DGKB: variants seen among roughly 807,000 people sequenced by gnomAD.
DGKB encodes the protein diacylglycerol kinase beta.
A neutral mutation model predicts 114.3 loss-of-function variants in DGKB; 67 were observed. That is an observed-to-expected ratio of 0.59 (90% CI 0.48 to 0.72). The LOEUF is 0.72. DGKB is among the 30% of genes least tolerant of loss of function. The probability of loss-of-function intolerance (pLI) is 0.00; values close to 1 mark genes in which losing one functional copy is unlikely to be tolerated. For missense variants in DGKB, 907 were observed against 975.2 expected, an observed-to-expected ratio of 0.93 and a Z score of 0.93; for synonymous variants, 398 against 323.1, an observed-to-expected ratio of 1.23 and a Z score of -2.49.
rs904121754 is a variant in DGKB at position 14,883,941 on chromosome 7, G to A, written c.-188+18651C>T. Among the ~76,000 whole-genome samples, 8 of 151,818 alleles carry A rather than the reference G, an allele frequency of 5.3e-5. 1 individual carries two copies. The highest frequency in any genetic ancestry group is 3.9e-4 in the Admixed American group (6 of 15,194). ...AAATAGGTGCTTCCATCACCATTCC[G>A]TCACTTATCACAGTGACAGCCAACT... is the stretch of plus-strand genomic sequence containing the variant. On this transcript the variant is annotated intron_variant, in intron 1 of 25. Transcript: ENST00000402815.
At chr7:14,156,220 C>T (rs1007912102) in intron 25 of DGKB, among the ~76,000 whole-genome samples, 27 of 152,072 alleles carry the variant, frequency 1.8e-4, no homozygotes, top group African/African-American at 5.1e-4. Flanking sequence ...CGGTTTGGTA[C>T]AATGGTCTGT....
At chr7:14,897,687 T>C (rs530663542) in intron 1 of DGKB, among the ~76,000 whole-genome samples, 1 of 152,088 alleles carries the variant, frequency 6.6e-6, no homozygotes, top group South Asian at 2.1e-4. Context: ...TTGCCCCACG[T>C]ATTCTAAATA....
At chr7:14,864,018 G>C (rs1851357086) in intron 1 of DGKB, among the ~76,000 whole-genome samples, 1 of 150,180 alleles carries the variant, frequency 6.7e-6, no homozygotes, top group South Asian at 2.1e-4. Flanking sequence ...AGAATCACTT[G>C]AACCCAGGAG....
chr7:14,973,926 A>T (rs1359596908), intron 1 of DGKB, among the ~76,000 whole-genome samples: 1 of 149,138 alleles, frequency 6.7e-6, no homozygotes, highest in Non-Finnish European at 1.5e-5. Flanking sequence ...TATAAATTTA[A>T]AATTATTTAA....
intron 17 of DGKB, among the ~76,000 whole-genome samples, chr7:14,602,790 A>C (rs1160743258): frequency 6.6e-6 from 1 of 152,210 alleles, no homozygotes; most frequent in African/African-American, 2.4e-5. Context: ...GCCAGAACAG[A>C]ATAAAACACA....
chr7:14,676,215 T>G (rs1819829318), intron 12 of DGKB, among the ~76,000 whole-genome samples: 1 of 149,572 alleles, frequency 6.7e-6, no homozygotes, highest in Non-Finnish European at 1.5e-5. Context: ...TTTTGTTTCC[T>G]GATCAGGTAC....
rs188026151 is a variant in DGKB, at chr7:14,209,601, C to T, written c.2123-31450G>A. On this transcript the variant is annotated intron_variant, in intron 23 of 25. Transcript: ENST00000402815. ...AGGTTCACATTCAGCAAAATCTGCC[C>T]CTTAAGAGGTAAGCTTTACCAATCT... 104 of 452,194 alleles carry T rather than the reference C, an allele frequency of 2.3e-4. No individual in the cohort carries two copies. The East Asian group carries it at 5.0e-3, about 22-fold the overall frequency. 28.0% of individuals were successfully genotyped at this position (452,194 alleles called of 1,614,324 possible).
In DGKB at chr7:14,796,277, C is replaced by G. The variant is rs1041496929; in HGVS notation, c.71-38546G>C. Among the ~76,000 whole-genome samples, 10 of 152,180 alleles carry G rather than the reference C, an allele frequency of 6.6e-5. 1 individual carries two copies. Among genetic ancestry groups the G allele is most frequent in the Non-Finnish European group, 1.2e-4 (8 of 68,028 alleles). ...TGGAAAAATTTATCTTTTGCATTCT[C>G]TACTTGAAGAAGATCAATAATTAAC... On this transcript the variant is annotated intron_variant, in intron 2 of 25. Transcript: ENST00000402815.
intron 23 of DGKB, among the ~76,000 whole-genome samples, chr7:14,274,551 T>C (rs1798721264): frequency 6.6e-6 from 1 of 152,158 alleles, no homozygotes; most frequent in Non-Finnish European, 1.5e-5. Flanking sequence ...TTTCTAACTT[T>C]ATGTGTGTCT....
At chr7:14,579,204 A>G (rs1799581262) in intron 19 of DGKB, among the ~76,000 whole-genome samples, 1 of 152,212 alleles carries the variant, frequency 6.6e-6, no homozygotes, top group African/African-American at 2.4e-5. Context: ...CTCCAGAAGG[A>G]TAGAAGCCAT....
intron 13 of DGKB, among the ~76,000 whole-genome samples, chr7:14,636,825 G>A (rs571807239): frequency 6.6e-6 from 1 of 151,920 alleles, no homozygotes; most frequent in South Asian, 2.1e-4. Flanking sequence ...CCAGATTTGT[G>A]AAAACACTAA....
chr7:14,839,280 G>T (rs1387250279), intron 2 of DGKB, among the ~76,000 whole-genome samples: 1 of 152,016 alleles, frequency 6.6e-6, no homozygotes, highest in East Asian at 1.9e-4. Context: ...AAAGAGCAGA[G>T]CATATGGAAA....
intron 1 of DGKB, among the ~76,000 whole-genome samples, chr7:14,945,701 T>C (rs1785833474): frequency 6.6e-6 from 1 of 151,470 alleles, no homozygotes; most frequent in Admixed American, 6.6e-5. Context: ...ATTCTATTAA[T>C]AGAAATATAA....
At chr7:14,695,503 T>TTTTTTTTTTTTTTTG (rs1823689975) in intron 8 of DGKB, among the ~76,000 whole-genome samples, 1 of 121,364 alleles carries the variant, frequency 8.2e-6, no homozygotes, top group Non-Finnish European at 1.7e-5. Flanking sequence ...TCTTTTTTTT[T>TTTTTTTTTTTTTTTG]TTTTTTTTTT....
intron 13 of DGKB, among the ~76,000 whole-genome samples, chr7:14,636,106 T>C (rs1039265311): frequency 7.2e-5 from 11 of 151,762 alleles, no homozygotes; most frequent in Non-Finnish European, 1.6e-4. Flanking sequence ...AAGTATTTTC[T>C]AACCAGGTTA....
chr7:14,715,381 T>G (rs6947566), intron 6 of DGKB, among the ~76,000 whole-genome samples: 88,565 of 151,940 alleles, frequency 0.58, 26,609 homozygotes, highest in East Asian at 0.87. Flanking sequence ...AGAGAGGTTG[T>G]TGACTTTCCC....
At chr7:14,964,798 A>G (rs1438278643) in intron 1 of DGKB, among the ~76,000 whole-genome samples, 4 of 152,182 alleles carry the variant, frequency 2.6e-5, no homozygotes, top group South Asian at 2.1e-4. Context: ...TTCTTGAACC[A>G]AATCAATGAC....
chr7:14,745,350 C>G (rs879426358), intron 4 of DGKB, among the ~76,000 whole-genome samples: 4 of 152,170 alleles, frequency 2.6e-5, no homozygotes, highest in Non-Finnish European at 4.4e-5. Context: ...CCCCTAAGAG[C>G]AGGAAGCAGT....
At chr7:14,297,130 A>G (rs1802724900) in intron 23 of DGKB, among the ~76,000 whole-genome samples, 1 of 152,146 alleles carries the variant, frequency 6.6e-6, no homozygotes, top group East Asian at 1.9e-4. Context: ...CAGAGGTACA[A>G]AGAGATCTGG....
Sources: allele counts gnomAD v4.1 joint callset (sites outside exome capture counted in the v4.1 genomes callset), GRCh38; gene constraint gnomAD v4.1.1; transcripts MANE v1.5; gene names NCBI Gene and HGNC (gene_info 2026-07-23, HGNC 2026-07-21).